SMYD3: variants seen among roughly 807,000 people sequenced by gnomAD.
SMYD3 encodes the protein histone-lysine N-methyltransferase SMYD3.
A neutral mutation model predicts 57.7 loss-of-function variants in SMYD3; 36 were observed. The ratio of observed to expected loss-of-function variants is 0.62; its 90% CI spans 0.48 to 0.82. The LOEUF is 0.82. Among genes scored for constraint, SMYD3 ranks in the 40% least tolerant of loss-of-function variants. SMYD3 has a pLI of 0.00. For missense variants in SMYD3, 515 were observed against 538.8 expected (o/e 0.96, Z 0.44); for synonymous variants, 211 against 195.0 (o/e 1.08, Z -0.68).
chr1:246,169,308 C>T (rs965327170), intron 5 of SMYD3, among the ~76,000 whole-genome samples: 4 of 136,480 alleles, frequency 2.9e-5, no homozygotes, highest in Non-Finnish European at 4.5e-5. Context: ...AGATGAAAAA[C>T]GCCAAAGTTA....
chr1:245,764,747 T>C (rs1024686645), intron 10 of SMYD3, among the ~76,000 whole-genome samples: 7 of 152,076 alleles, frequency 4.6e-5, no homozygotes, highest in Admixed American at 3.9e-4. Flanking sequence ...CCCATCTGCG[T>C]TCTCCATGAT....
chr1:245,978,336 T>C (rs1231267818), intron 5 of SMYD3, among the ~76,000 whole-genome samples: 1 of 152,182 alleles, frequency 6.6e-6, no homozygotes, highest in Non-Finnish European at 1.5e-5. Context: ...CTTTTCCTAG[T>C]GTGTGCAGGC....
chr1:246,162,508 T>C lies in SMYD3; in HGVS notation c.531+164693A>G, dbSNP rs2062139425. Among the ~76,000 whole-genome samples, 3 of 152,210 alleles carry C rather than the reference T, an allele frequency of 2.0e-5. No homozygotes were observed. The South Asian group carries it at 6.2e-4, about 32-fold the overall frequency. The stretch of plus-strand genomic sequence containing the variant: ...TGCATGTTCTTGAATCATTTAAAAT[T>C]CTTATCTCCTCAAGAATCTGGAATT... On this transcript the variant is annotated intron_variant, in intron 5 of 11. Transcript: ENST00000490107.
intron 5 of SMYD3, among the ~76,000 whole-genome samples, chr1:246,204,304 T>C (rs7535833): frequency 0.13 from 20,161 of 152,178 alleles, 3,492 homozygotes; most frequent in African/African-American, 0.4. Flanking sequence ...CAGGCTTCTT[T>C]GTACCAATTC....
At chr1:246,091,706 T>C (rs1346025502) in intron 5 of SMYD3, among the ~76,000 whole-genome samples, 2 of 152,220 alleles carry the variant, frequency 1.3e-5, no homozygotes, top group African/African-American at 4.8e-5. Flanking sequence ...CTTGAAATCC[T>C]AGTAGTTCTT....
At position 246,328,982 on chromosome 1, in the gene SMYD3, T is replaced by C. The variant is rs887768665; in HGVS notation, c.394+1498A>G. 9.2e-4 allele frequency among the ~76,000 whole-genome samples: 140 copies of C among 152,214 alleles called. 2 individuals are homozygous for C. The highest frequency in any genetic ancestry group is 3.2e-3 in the African/African-American group (131 of 41,542). On this transcript the variant is annotated intron_variant, in intron 4 of 11. Transcript: ENST00000490107. ...TGCAATAGTTTACTGAGAATGATGA[T>C]TTCCAATTTCATCCATGTCCCTACA...
intron 9 of SMYD3, among the ~76,000 whole-genome samples, chr1:245,859,881 C>T (rs1255109206): frequency 1.3e-5 from 2 of 152,202 alleles, no homozygotes; most frequent in Non-Finnish European, 2.9e-5. Flanking sequence ...AGTCAAAGTG[C>T]TTAATGATAG....
intron 5 of SMYD3, among the ~76,000 whole-genome samples, chr1:246,101,248 C>T (rs2061011585): frequency 6.6e-6 from 1 of 151,858 alleles, no homozygotes; most frequent in South Asian, 2.1e-4. Flanking sequence ...TAGTATGACC[C>T]TTTATTTTCC....
In SMYD3 at chr1:246,099,652, G is replaced by A. The variant is rs544260956; in HGVS notation, c.532-169715C>T. ...AGGAAGCTGATGAGATGATCCTAAC[G>A]GGTGATTTAAAGTGAAAGGGAAAAA... On this transcript the variant is annotated intron_variant, in intron 5 of 11. Transcript: ENST00000490107. Among the ~76,000 whole-genome samples, 35 of 152,142 alleles carry A rather than the reference G, an allele frequency of 2.3e-4. No homozygotes were observed. The South Asian group carries it at 5.4e-3, about 24-fold the overall frequency.
At chr1:246,014,342 T>C (rs2059339686) in intron 5 of SMYD3, among the ~76,000 whole-genome samples, 1 of 152,010 alleles carries the variant, frequency 6.6e-6, no homozygotes, top group Non-Finnish European at 1.5e-5. Flanking sequence ...AATAAAAAAG[T>C]GAGTATCTGT....
intron 8 of SMYD3, among the ~76,000 whole-genome samples, chr1:245,894,046 G>A (rs1248011351): frequency 6.6e-6 from 1 of 152,200 alleles, no homozygotes; most frequent in Admixed American, 6.5e-5. Flanking sequence ...AGTCTGCAGA[G>A]TACCTCGTGA....
At chr1:245,965,198 C>T (rs562524137) in intron 5 of SMYD3, among the ~76,000 whole-genome samples, 97 of 152,190 alleles carry the variant, frequency 6.4e-4, no homozygotes, top group Non-Finnish European at 9.1e-4. Context: ...TACTCAATTA[C>T]GTATGCATAT....
intron 5 of SMYD3, among the ~76,000 whole-genome samples, chr1:246,060,378 T>G (rs934782372): frequency 6.6e-6 from 1 of 152,100 alleles, no homozygotes; most frequent in South Asian, 2.1e-4. Context: ...AACAGCTAAT[T>G]GAAAAGTTCC....
intron 1 of SMYD3, among the ~76,000 whole-genome samples, chr1:246,420,008 G>A (rs1179005423): frequency 6.6e-6 from 1 of 152,156 alleles, no homozygotes; most frequent in Non-Finnish European, 1.5e-5. Flanking sequence ...TCTCCATCCT[G>A]GCTAACACGG....
chr1:245,766,691 G>C (rs903407917), intron 10 of SMYD3, among the ~76,000 whole-genome samples: 1 of 152,142 alleles, frequency 6.6e-6, no homozygotes, highest in African/African-American at 2.4e-5. Context: ...TACGAATGTA[G>C]CATCATTAAA....
chr1:245,944,673 G>A (rs192983259), intron 5 of SMYD3, among the ~76,000 whole-genome samples: 1 of 152,276 alleles, frequency 6.6e-6, no homozygotes, highest in East Asian at 1.9e-4. Flanking sequence ...AAGAGAGCCT[G>A]TAGAGCCAAG....
At chr1:246,285,576 G>A (rs920199213) in intron 5 of SMYD3, among the ~76,000 whole-genome samples, 1 of 152,052 alleles carries the variant, frequency 6.6e-6, no homozygotes, top group Non-Finnish European at 1.5e-5. Context: ...TCTAGACACT[G>A]GCTTAGGCAA....
intron 5 of SMYD3, among the ~76,000 whole-genome samples, chr1:246,175,563 A>G (rs1341895613): frequency 1.3e-5 from 2 of 152,232 alleles, no homozygotes; most frequent in Non-Finnish European, 2.9e-5. Context: ...TATACTTTCC[A>G]TCACAGATCT....
At chr1:246,051,037 A>C (rs2060057591) in intron 5 of SMYD3, among the ~76,000 whole-genome samples, 1 of 152,174 alleles carries the variant, frequency 6.6e-6, no homozygotes, top group African/African-American at 2.4e-5. Flanking sequence ...GAAAATATGA[A>C]ATTACGAAGA....
Sources: allele counts gnomAD v4.1 joint callset (sites outside exome capture counted in the v4.1 genomes callset), GRCh38; gene constraint gnomAD v4.1.1; transcripts MANE v1.5; gene names NCBI Gene and HGNC (gene_info 2026-07-23, HGNC 2026-07-21).